The following PCSK9 variants were observed in gnomAD, a reference collection of about 807,000 sequenced individuals.
The protein encoded by PCSK9 is convertase subtilisin/kexin type 9 preproprotein.
Under a neutral mutation model 62.1 loss-of-function variants are expected in PCSK9, and 57 were observed. That is an observed-to-expected ratio of 0.92 (90% confidence interval 0.74 to 1.14). The LOEUF is 1.14. Ranked by LOEUF, PCSK9 falls within the 50% of genes most tolerant of loss-of-function variation. PCSK9 has a pLI of 0.00. For missense variants in PCSK9, 870 were observed against 959.8 expected, an observed-to-expected ratio of 0.91 and a Z score of 1.24; for synonymous variants, 387 against 409.4, an observed-to-expected ratio of 0.95 and a Z score of 0.66.
rs1383744770 is a variant in PCSK9, at chr1:55,052,431, G to A, written c.657+20G>A. 1.5e-5 allele frequency: 24 copies of A among 1,613,530 alleles called. No homozygotes were observed. The highest frequency in any genetic ancestry group is 2.0e-5 in the Non-Finnish European group (24 of 1,180,016). ...AGACAGGTAAGCACGGCCGTCTGATGGGAGGGCTGCCTCTGCCCATATCCC... is the reference window on the plus strand; with the variant it reads ...AGACAGGTAAGCACGGCCGTCTGATAGGAGGGCTGCCTCTGCCCATATCCC... On this transcript the variant is annotated intron_variant, in intron 4 of 11. Coordinates refer to ENST00000302118, the MANE Select transcript of PCSK9 (RefSeq NM_174936.4).
In PCSK9 at chr1:55,039,692, AT is replaced by A. The variant is rs1448462943; in HGVS notation, c.-144del. ...CAGCGGCTCCCAGCTCCCAGCCAGG[AT>A]TCCGCGCGCCCCTTCACGCGCCCTG... On this transcript the variant is annotated 5_prime_UTR_variant, in exon 1 of 12. Transcript: ENST00000302118. 5.2e-6 allele frequency: 5 copies of A among 958,568 alleles called. No individual in the cohort carries two copies. Among genetic ancestry groups the A allele is most frequent in the Non-Finnish European group, 3.1e-6 (2 of 646,258 alleles). 59.4% of individuals were successfully genotyped at this position (958,568 alleles called of 1,614,324 possible). A position where few individuals can be genotyped will look rare whatever the true frequency, so the allele number is the denominator to read the frequency against.
chr1:55,052,687 G>T lies in PCSK9; in HGVS notation c.695G>T (p.Gly232Val). The change falls in exon 5 of 12, where the codon GGG becomes GTG. Residue 232 changes from glycine to valine, a missense_variant. By Grantham distance (109) the Gly-to-Val change is moderately radical. Coordinates refer to ENST00000302118, the MANE Select transcript of PCSK9 (RefSeq NM_174936.4). Reference sequence around the variant, plus strand: ...GACAGTCATGGCACCCACCTGGCAGGGGTGGTCAGCGGCCGGGATGCCGGC... The same window carrying T: ...GACAGTCATGGCACCCACCTGGCAGTGGTGGTCAGCGGCCGGGATGCCGGC... ...KCDSHGTHLAGVVSGRDAGVA... is the reference protein window; with the variant it reads ...KCDSHGTHLAVVVSGRDAGVA... 6.2e-7 allele frequency: 1 copy of T among 1,613,198 alleles called. No homozygotes were observed. Among genetic ancestry groups the T allele is most frequent in the Non-Finnish European group, 8.5e-7 (1 of 1,179,896 alleles).
At chr1:55,054,600 C>T (rs1446758596) in intron 5 of PCSK9, among the ~76,000 whole-genome samples, 1 of 152,192 alleles carries the variant, frequency 6.6e-6, no homozygotes, top group African/African-American at 2.4e-5. Context: ...CCTCATTTGA[C>T]AGGGGAGAAG....
chr1:55,051,283 C>T (rs779651692), intron 3 of PCSK9: 11 of 449,572 alleles, frequency 2.4e-5, no homozygotes, highest in South Asian at 1.1e-4. Flanking sequence ...AGCAGTTTGA[C>T]TGACAGCCCA....
chr1:55,057,283 C>A, intron 6 of PCSK9, 48 bp from the exon 7 acceptor site: 1 of 1,581,782 alleles, frequency 6.3e-7, no homozygotes, highest in Non-Finnish European at 8.7e-7. Flanking sequence ...CCTCTGCAAC[C>A]CCTCTCTTGG....
intron 2 of PCSK9, 150 bp from the exon 3 acceptor site, chr1:55,046,373 C>G: frequency 8.3e-7 from 1 of 1,199,536 alleles, no homozygotes; most frequent in Non-Finnish European, 1.2e-6. Flanking sequence ...GGCTCCTAGT[C>G]TGTCCTCCGG....
chr1:55,056,559 C>T (rs948941687), intron 6 of PCSK9, among the ~76,000 whole-genome samples: 10 of 152,300 alleles, frequency 6.6e-5, no homozygotes, highest in Admixed American at 3.9e-4. Context: ...CTGCCCAATA[C>T]TCTTTGGGCC....
intron 3 of PCSK9, among the ~76,000 whole-genome samples, chr1:55,049,364 A>G (rs2100286396): frequency 6.6e-6 from 1 of 152,328 alleles, no homozygotes; most frequent in Non-Finnish European, 1.5e-5. Flanking sequence ...TGAGCTTCTC[A>G]GGCGTATGGC....
Position 55,039,664 on chromosome 1 carries a change from C to A in PCSK9, c.-174C>A. ...TCGGGCGGGCCGGGACGCGTCGTTG[C>A]AGCAGCGGCTCCCAGCTCCCAGCCA... On this transcript the variant is annotated 5_prime_UTR_variant, in exon 1 of 12. Transcript: ENST00000302118. 1 of 747,222 alleles carries A rather than the reference C, an allele frequency of 1.3e-6. No homozygotes were observed. Among genetic ancestry groups the A allele is most frequent in the Non-Finnish European group, 2.2e-6 (1 of 462,422 alleles). 46.3% of individuals were successfully genotyped at this position (747,222 alleles called of 1,614,324 possible).
At chr1:55,061,254 G>T in intron 10 of PCSK9, 121 bp from the exon 11 acceptor site, 3 of 1,149,834 alleles carry the variant, frequency 2.6e-6, no homozygotes, top group Admixed American at 5.5e-5. Context: ...TTTTCTTTGA[G>T]TTGTTTCTAG....
At chr1:55,053,079 C>T (rs7552841) in intron 5 of PCSK9, among the ~76,000 whole-genome samples, 48,770 of 151,954 alleles carry the variant, frequency 0.32, 8,317 homozygotes, top group Non-Finnish European at 0.38. Context: ...TTTTAAAATC[C>T]GGTGATGTCT....
chr1:55,047,185 G>A (rs973332955), intron 3 of PCSK9, among the ~76,000 whole-genome samples: 1 of 152,198 alleles, frequency 6.6e-6, no homozygotes. Context: ...TGCCTGGTGT[G>A]GCCTGGCTAT....
At chr1:55,048,399 T>C (rs1644650248) in intron 3 of PCSK9, among the ~76,000 whole-genome samples, 4 of 152,308 alleles carry the variant, frequency 2.6e-5, no homozygotes, top group African/African-American at 9.6e-5. Context: ...TGTGAGTGTA[T>C]CTCTTTGGCA....
chr1:55,061,707 A>G (rs1489190688), intron 11 of PCSK9, 151 bp downstream of exon 11: 2 of 1,078,560 alleles, frequency 1.9e-6, no homozygotes, highest in African/African-American at 3.1e-5. Context: ...CATTGTGTGG[A>G]CAGCATGTAT....
At position 55,057,481 on chromosome 1, in the gene PCSK9, A is replaced by C. The variant is rs1644724470; in HGVS notation, c.1147A>C (p.Ser383Arg). ...SDCSTCFVSQ[S>R]GTSQAAAHVA... Reference sequence around the variant, plus strand: ...CTGCAGCACCTGCTTTGTGTCACAGAGTGGGACATCACAGGCTGCTGCCCA... The same window carrying C: ...CTGCAGCACCTGCTTTGTGTCACAGCGTGGGACATCACAGGCTGCTGCCCA... Residue 383 changes from serine (S) to arginine (R), a missense_variant, in exon 7 of 12, where the codon AGT becomes CGT. By Grantham distance (110) the Ser-to-Arg change is moderately radical. Coordinates refer to ENST00000302118, the MANE Select transcript of PCSK9 (RefSeq NM_174936.4). The C allele has an allele frequency of 5.0e-6, 8 of 1,613,782 alleles. No homozygotes were observed. The highest frequency in any genetic ancestry group is 6.8e-6 in the Non-Finnish European group (8 of 1,180,004).
intron 9 of PCSK9, among the ~76,000 whole-genome samples, chr1:55,058,860 C>T (rs564035485): frequency 9.2e-5 from 14 of 152,212 alleles, no homozygotes; most frequent in African/African-American, 2.2e-4. Context: ...AGAGCCACAG[C>T]GGGAAGGGTT....
At chr1:55,057,794 T>C (rs1333021447) in intron 7 of PCSK9, among the ~76,000 whole-genome samples, 2 of 152,136 alleles carry the variant, frequency 1.3e-5, no homozygotes, top group Non-Finnish European at 2.9e-5. Flanking sequence ...GGGAGCTTGA[T>C]GGATGAATAG....
At chr1:55,058,294 C>A in intron 8 of PCSK9, 85 bp downstream of exon 8, 1 of 1,531,940 alleles carries the variant, frequency 6.5e-7, no homozygotes, top group Non-Finnish European at 8.9e-7. Context: ...TCTCCCTTGT[C>A]TGTGTAAGGA....
At chr1:55,059,320 C>G (rs543434877) in intron 9 of PCSK9, among the ~76,000 whole-genome samples, 166 bp from the exon 10 acceptor site, 36 of 152,350 alleles carry the variant, frequency 2.4e-4, no homozygotes, top group African/African-American at 7.9e-4. Context: ...ACTGGCAGAA[C>G]AGTCTTCCTT....
Sources: allele counts gnomAD v4.1 joint callset (sites outside exome capture counted in the v4.1 genomes callset), GRCh38; gene constraint gnomAD v4.1.1; transcripts MANE v1.5; gene names NCBI Gene and HGNC (gene_info 2026-07-23, HGNC 2026-07-21).